Variants in TNKS observed in about 807,000 individuals in gnomAD.
TNKS encodes the protein tankyrase.
A neutral mutation model predicts 135.8 loss-of-function variants in TNKS; 72 were observed. The observed-to-expected ratio is 0.53, with a 90% CI of 0.44 to 0.64. The LOEUF (loss-of-function observed/expected upper bound fraction) is 0.64, where lower values mean the gene tolerates loss of function less well. TNKS is among the 30% of genes least tolerant of loss of function. The pLI is 0.00. For missense variants in TNKS, 1,769 were observed against 1,674.0 expected, an observed-to-expected ratio of 1.06 and a Z score of -0.99; for synonymous variants, 849 against 649.3, an observed-to-expected ratio of 1.31 and a Z score of -4.68.
At chr8:9,626,747 C>A (rs1488682521) in intron 3 of TNKS, among the ~76,000 whole-genome samples, 2 of 152,114 alleles carry the variant, frequency 1.3e-5, no homozygotes, top group African/African-American at 4.8e-5. Flanking sequence ...ACTTTTGACA[C>A]CCATGAGGGA....
At chr8:9,754,678 T>C (rs986105901) in intron 20 of TNKS, among the ~76,000 whole-genome samples, 1 of 152,222 alleles carries the variant, frequency 6.6e-6, no homozygotes, top group Non-Finnish European at 1.5e-5. Context: ...ATCCTATCAC[T>C]TCCTTTACCT....
chr8:9,590,798 T>G (rs1266555948), intron 2 of TNKS, among the ~76,000 whole-genome samples: 2 of 152,264 alleles, frequency 1.3e-5, no homozygotes, highest in Admixed American at 1.3e-4. Context: ...GATAAAAGTT[T>G]CTTACTAGAA....
rs1554490631 is a variant in TNKS at position 9,772,809 on chromosome 8, T to TTTG, written c.3897+2548_3897+2549insTGT. ...TTGGGGAGAATGTGTGTGTGTGTGT[T>TTTG]TGTGTGTGTGTGTGTGTGTGTCTGT... On this transcript the variant is annotated intron_variant, in intron 26 of 26. Coordinates refer to ENST00000310430, the MANE Select transcript of TNKS (RefSeq NM_003747.3). 2.8e-4 allele frequency among the ~76,000 whole-genome samples: 24 copies of TTTG among 86,694 alleles called. 2 individuals carry two copies. Among genetic ancestry groups the TTTG allele is most frequent in the Admixed American group, 2.7e-3 (17 of 6,370 alleles). The allele number at this position is 86,694 out of a possible 152,430, so 56.9% of individuals were successfully genotyped here. A position where few individuals can be genotyped will look rare whatever the true frequency, so the allele number is the denominator to read the frequency against.
intron 2 of TNKS, among the ~76,000 whole-genome samples, chr8:9,614,145 C>T (rs1422893340): frequency 6.6e-6 from 1 of 152,160 alleles, no homozygotes; most frequent in Non-Finnish European, 1.5e-5. Context: ...GTTAGAATTT[C>T]TTCCTGGTAT....
rs754286423 is a variant in TNKS, at chr8:9,766,225, C to T, written c.3554-14C>T. 6.3e-7 allele frequency: 1 copy of T among 1,589,832 alleles called. No individual in the cohort carries two copies. Among genetic ancestry groups the T allele is most frequent in the South Asian group, 1.1e-5 (1 of 88,382 alleles). On this transcript the variant is annotated splice_polypyrimidine_tract_variant and intron_variant, in intron 24 of 26. Transcript: ENST00000310430. Reference sequence around the variant, plus strand: ...AGTGTTCAAAAACGAATCTTTCTGTCTTCGTATTTCTAGGTTCTCCTTTCA... The same window carrying T: ...AGTGTTCAAAAACGAATCTTTCTGTTTTCGTATTTCTAGGTTCTCCTTTCA...
intron 12 of TNKS, among the ~76,000 whole-genome samples, chr8:9,725,496 C>T (rs76333288): frequency 6.6e-5 from 10 of 152,158 alleles, no homozygotes; most frequent in Admixed American, 6.5e-4. Context: ...AAGCCACTCT[C>T]TCCTGAAATC....
intron 23 of TNKS, 117 bp downstream of exon 23, chr8:9,764,907 C>A: frequency 9.7e-6 from 7 of 720,172 alleles, no homozygotes; most frequent in Non-Finnish European, 1.5e-5. Context: ...GATAATTCGT[C>A]ACCTGTCTGA....
intron 2 of TNKS, among the ~76,000 whole-genome samples, chr8:9,598,016 T>A (rs1021519540): frequency 2.6e-5 from 4 of 152,234 alleles, no homozygotes; most frequent in Non-Finnish European, 5.9e-5. Flanking sequence ...CTTTAAGTTA[T>A]ATTCTTTATG....
intron 2 of TNKS, among the ~76,000 whole-genome samples, chr8:9,609,868 T>C (rs1279589416): frequency 6.6e-6 from 1 of 152,206 alleles, no homozygotes; most frequent in Non-Finnish European, 1.5e-5. Flanking sequence ...TTTCTTTTTT[T>C]TCTTTTTGAA....
At chr8:9,661,802 A>G (rs1170569372) in intron 3 of TNKS, among the ~76,000 whole-genome samples, 2 of 152,230 alleles carry the variant, frequency 1.3e-5, no homozygotes, top group African/African-American at 4.8e-5. Flanking sequence ...CGGGCTACCT[A>G]CAGAATGGGA....
At chr8:9,698,630 C>G (rs1350396607) in intron 5 of TNKS, among the ~76,000 whole-genome samples, 1 of 152,106 alleles carries the variant, frequency 6.6e-6, no homozygotes, top group Non-Finnish European at 1.5e-5. Flanking sequence ...AATGCAAAAC[C>G]AGGATTTAAA....
chr8:9,689,172 T>A (rs1207602498), intron 5 of TNKS, among the ~76,000 whole-genome samples: 1 of 152,226 alleles, frequency 6.6e-6, no homozygotes, highest in East Asian at 1.9e-4. Flanking sequence ...AAAGAGATTA[T>A]CACTCAAGCT....
chr8:9,648,338 G>C (rs1452691547), intron 3 of TNKS, among the ~76,000 whole-genome samples: 2 of 151,580 alleles, frequency 1.3e-5, no homozygotes, highest in African/African-American at 4.9e-5. Context: ...AAAACACATT[G>C]TACAGCTGTA....
At chr8:9,691,783 T>G (rs1803285442) in intron 5 of TNKS, among the ~76,000 whole-genome samples, 1 of 152,204 alleles carries the variant, frequency 6.6e-6, no homozygotes, top group South Asian at 2.1e-4. Flanking sequence ...TTAAAATTTT[T>G]TGTATATGCT....
At position 9,733,285 on chromosome 8, in the gene TNKS, G is replaced by A; in HGVS notation, c.2154G>A (p.Leu718=). Residue 718 remains leucine, a synonymous_variant, in exon 15 of 27, where the codon TTG becomes TTA. Coordinates refer to ENST00000310430, the MANE Select transcript of TNKS (RefSeq NM_003747.3). ...ATAACTTTCTTTTGTTTAGTGGCTT[G>A]GTGCCCCTTCATAATGCCTGTTCAT... is the stretch of plus-strand genomic sequence containing the variant. ...ADVHAKDKGG[L]VPLHNACSYG... 1 of 1,559,068 alleles carries A rather than the reference G, an allele frequency of 6.4e-7. No homozygotes were observed. The highest frequency in any genetic ancestry group is 8.6e-7 in the Non-Finnish European group (1 of 1,160,360).
intron 2 of TNKS, among the ~76,000 whole-genome samples, chr8:9,594,036 G>C (rs533056181): frequency 1.3e-5 from 2 of 152,038 alleles, no homozygotes; most frequent in Non-Finnish European, 2.9e-5. Context: ...GTAGGAACCC[G>C]CCACCACGCA....
intron 22 of TNKS, 117 bp downstream of exon 22, chr8:9,763,361 G>A: frequency 1.9e-6 from 1 of 519,312 alleles, no homozygotes; most frequent in Non-Finnish European, 3.2e-6. Context: ...TAATCAGTCT[G>A]TCTTAGCCAC....
intron 5 of TNKS, among the ~76,000 whole-genome samples, chr8:9,702,512 A>G (rs1460119239): frequency 6.6e-6 from 1 of 152,234 alleles, no homozygotes; most frequent in Non-Finnish European, 1.5e-5. Flanking sequence ...GTGGTATAAC[A>G]TTCTTAAAAT....
At chr8:9,571,471 T>C (rs1471769578) in intron 1 of TNKS, among the ~76,000 whole-genome samples, 1 of 152,164 alleles carries the variant, frequency 6.6e-6, no homozygotes, top group Non-Finnish European at 1.5e-5. Context: ...TTTTTTTCTT[T>C]TTTTGAGATG....
Sources: allele counts gnomAD v4.1 joint callset (sites outside exome capture counted in the v4.1 genomes callset), GRCh38; gene constraint gnomAD v4.1.1; transcripts MANE v1.5; gene names NCBI Gene and HGNC (gene_info 2026-07-23, HGNC 2026-07-21).